TENM2: variants seen among roughly 807,000 people sequenced by gnomAD.
TENM2 encodes teneurin transmembrane protein 2, also known as teneurin-2.
In TENM2, 52 loss-of-function variants were observed where a neutral mutation model predicts 245.2. The ratio of observed to expected loss-of-function variants is 0.21; its 90% CI spans 0.17 to 0.27. The LOEUF (loss-of-function observed/expected upper bound fraction) is 0.27. Ranked by LOEUF, TENM2 falls within the 10% of genes least tolerant of loss-of-function variation. The pLI, the probability that TENM2 is intolerant of heterozygous loss-of-function variation, is 1.00. For missense variants in TENM2, 3,046 were observed against 3,666.8 expected (o/e 0.83, Z 4.37); for synonymous variants, 1,363 against 1,438.9 (o/e 0.95, Z 1.19).
At chr5:167,079,056 G>A in the TENM2 span, among the ~76,000 whole-genome samples, 1 of 152,078 alleles carries the variant, frequency 6.6e-6, no homozygotes, top group African/African-American at 2.4e-5. Context: ...CTCAGCTGGA[G>A]CATGCATGCT....
the TENM2 span, among the ~76,000 whole-genome samples, chr5:166,998,752 G>A: frequency 6.6e-6 from 1 of 152,196 alleles, no homozygotes; most frequent in African/African-American, 2.4e-5. Flanking sequence ...AACAGTTAGA[G>A]AAATGTGAAC....
chr5:167,363,507 G>A (rs544685263), intron 1 of TENM2, among the ~76,000 whole-genome samples: 31 of 152,032 alleles, frequency 2.0e-4, no homozygotes, highest in Admixed American at 5.9e-4. Context: ...CGAGGCAGGC[G>A]GATCACAAGG....
intron 2 of TENM2, among the ~76,000 whole-genome samples, chr5:167,539,427 G>C (rs1772054331): frequency 6.6e-6 from 1 of 152,064 alleles, no homozygotes; most frequent in African/African-American, 2.4e-5. Flanking sequence ...ACCAGTAAAA[G>C]TGCTTATTGA....
intron 2 of TENM2, among the ~76,000 whole-genome samples, chr5:167,462,743 G>A (rs924743936): frequency 2.6e-5 from 4 of 151,748 alleles, no homozygotes; most frequent in Admixed American, 2.0e-4. Flanking sequence ...GGAGCCTTGG[G>A]TTTGGGGTTT....
intron 3 of TENM2, among the ~76,000 whole-genome samples, chr5:167,916,305 G>A (rs1015268817): frequency 1.3e-5 from 2 of 152,050 alleles, no homozygotes; most frequent in African/African-American, 4.8e-5. Context: ...AAAGGCCCCT[G>A]GTGTCTCTGG....
the TENM2 span, among the ~76,000 whole-genome samples, chr5:167,184,025 A>G: frequency 1.3e-5 from 2 of 152,218 alleles, no homozygotes; most frequent in Non-Finnish European, 2.9e-5. Flanking sequence ...TTCAGAAAAC[A>G]TACGTTATTT....
At chr5:167,523,518 T>C (rs1278503962) in intron 2 of TENM2, among the ~76,000 whole-genome samples, 1 of 152,110 alleles carries the variant, frequency 6.6e-6, no homozygotes, top group African/African-American at 2.4e-5. Flanking sequence ...GTAGACACAA[T>C]CTGGATTTTG....
intron 12 of TENM2, among the ~76,000 whole-genome samples, chr5:168,158,823 G>GTA (rs1457207916): frequency 1.2e-4 from 8 of 64,472 alleles, no homozygotes; most frequent in African/African-American, 4.4e-4. Context: ...GTGTGTGTGT[G>GTA]TGTGTGTATA....
At chr5:167,704,927 A>G (rs930582423) in intron 2 of TENM2, among the ~76,000 whole-genome samples, 2 of 152,184 alleles carry the variant, frequency 1.3e-5, no homozygotes, top group Admixed American at 1.3e-4. Flanking sequence ...ATAGAGGTAG[A>G]TGGAGCTGGA....
rs115978488 is a variant in TENM2 at position 167,446,998 on chromosome 5, A to C, written c.502+71525A>C. Among the ~76,000 whole-genome samples the C allele has an allele frequency of 2.7e-3, 411 of 152,304 alleles. 3 individuals carry two copies. Among genetic ancestry groups the C allele is most frequent in the African/African-American group, 9.4e-3 (392 of 41,564 alleles). On this transcript the variant is annotated intron_variant, in intron 2 of 28. Transcript: ENST00000518659. ...AAAATCCAAAACTCGAAATGCTCCA[A>C]ATGAGGGTTCCTTTGAGCATCATGT...
At chr5:167,807,344 A>G (rs181025549) in intron 2 of TENM2, among the ~76,000 whole-genome samples, 2 of 152,146 alleles carry the variant, frequency 1.3e-5, no homozygotes, top group African/African-American at 4.8e-5. Context: ...GCTCTGACAC[A>G]GAGATGAACA....
In TENM2 at chr5:167,454,331, A is replaced by G. The variant is rs1765774612; in HGVS notation, c.502+78858A>G. 5.3e-5 allele frequency among the ~76,000 whole-genome samples: 8 copies of G among 152,202 alleles called. No homozygotes were observed. The South Asian group carries it at 1.7e-3, about 32-fold the overall frequency. On this transcript the variant is annotated intron_variant, in intron 2 of 28. Coordinates refer to ENST00000518659, the Ensembl canonical transcript of TENM2. ...TAAAATGAGAAGAACAGCAGCTCAA[A>G]TGATCATAGGCATGAAAGGGAATTT...
the TENM2 span, among the ~76,000 whole-genome samples, chr5:167,089,381 A>G: frequency 6.7e-3 from 1,027 of 152,340 alleles, 8 homozygotes; most frequent in African/African-American, 0.023. Context: ...CAAAATAGGC[A>G]AAACAAATGC....
At chr5:167,064,320 G>A in the TENM2 span, among the ~76,000 whole-genome samples, 1 of 152,128 alleles carries the variant, frequency 6.6e-6, no homozygotes, top group Admixed American at 6.5e-5. Context: ...AAAATTTATG[G>A]AAAATGTATG....
chr5:167,975,417 G>C (rs150113527), intron 4 of TENM2, among the ~76,000 whole-genome samples: 1 of 151,750 alleles, frequency 6.6e-6, no homozygotes, highest in East Asian at 2.0e-4. Context: ...ATATTTATGT[G>C]TTGATGCTAA....
intron 23 of TENM2, 112 bp downstream of exon 25, chr5:168,219,111 C>CT: frequency 9.1e-7 from 1 of 1,098,276 alleles, no homozygotes; most frequent in Non-Finnish European, 1.3e-6. Context: ...GTCTTTCTAA[C>CT]TTTAATGATG....
intron 2 of TENM2, among the ~76,000 whole-genome samples, chr5:167,855,688 G>GGAA (rs1771003594): frequency 1.6e-5 from 1 of 61,294 alleles, no homozygotes; most frequent in South Asian, 8.3e-4. Context: ...GAAGGAAGGA[G>GGAA]GGAGGGTGGG....
the TENM2 span, among the ~76,000 whole-genome samples, chr5:167,159,559 A>G: frequency 8.5e-5 from 13 of 152,248 alleles, no homozygotes; most frequent in African/African-American, 3.1e-4. Context: ...TATGTACTTC[A>G]AAGCATCATA....
At chr5:167,372,933 A>G (rs569999125) in intron 1 of TENM2, among the ~76,000 whole-genome samples, 1 of 152,346 alleles carries the variant, frequency 6.6e-6, no homozygotes, top group South Asian at 2.1e-4. Context: ...CCAAGGATGC[A>G]AACTGGAACA....
Sources: allele counts gnomAD v4.1 joint callset (sites outside exome capture counted in the v4.1 genomes callset), GRCh38; gene constraint gnomAD v4.1.1; transcripts MANE v1.5; gene names NCBI Gene and HGNC (gene_info 2026-07-23, HGNC 2026-07-21).